OPCML: variants seen among roughly 807,000 people sequenced by gnomAD.
The protein encoded by OPCML is opioid binding protein/cell adhesion molecule like, also known as opioid-binding protein/cell adhesion molecule.
In OPCML, 13 loss-of-function variants were observed where a neutral mutation model predicts 37.8. The observed-to-expected ratio is 0.34, with a 90% CI of 0.22 to 0.55. OPCML has a LOEUF of 0.55. Among genes scored for constraint, OPCML ranks in the 20% least tolerant of loss-of-function variants. The probability of loss-of-function intolerance (pLI) is 0.91; values close to 1 mark genes in which losing one functional copy is unlikely to be tolerated. For missense variants in OPCML, 341 were observed against 435.6 expected (o/e 0.78, Z 1.93); for synonymous variants, 176 against 168.8 (o/e 1.04, Z -0.33).
chr11:133,464,836 A>G (rs972800549), intron 1 of OPCML, among the ~76,000 whole-genome samples: 1 of 152,104 alleles, frequency 6.6e-6, no homozygotes, highest in Non-Finnish European at 1.5e-5. Context: ...GATATTCAGG[A>G]CCTGTCATTT....
At chr11:133,432,952 A>C (rs2136920303) in intron 1 of OPCML, among the ~76,000 whole-genome samples, 1 of 152,272 alleles carries the variant, frequency 6.6e-6, no homozygotes, top group Admixed American at 6.5e-5. Context: ...TCAGGCACTA[A>C]CCCATGAATG....
chr11:132,532,276 T>C (rs1310950280), intron 3 of OPCML, among the ~76,000 whole-genome samples: 1 of 152,174 alleles, frequency 6.6e-6, no homozygotes, highest in Non-Finnish European at 1.5e-5. Context: ...AGCTCCGTCA[T>C]GTTCTCTGTC....
At position 132,880,997 on chromosome 11, in the gene OPCML, A is replaced by G. The variant is rs566462228; in HGVS notation, c.146+61929T>C. Among the ~76,000 whole-genome samples the G allele has an allele frequency of 3.3e-5, 5 of 152,326 alleles. No homozygotes were observed. In the South Asian group the frequency reaches 1.0e-3, roughly 32 times the overall value. On this transcript the variant is annotated intron_variant, in intron 2 of 7. Transcript: ENST00000524381. ...AGCATAGTGGAACACACAGCAAAAAATAGTGTTTTTACAAGTCTGACCTTA... is the reference window on the plus strand; with the variant it reads ...AGCATAGTGGAACACACAGCAAAAAGTAGTGTTTTTACAAGTCTGACCTTA...
At chr11:133,239,932 T>C (rs147038888) in intron 1 of OPCML, among the ~76,000 whole-genome samples, 142 of 152,256 alleles carry the variant, frequency 9.3e-4, no homozygotes, top group Middle Eastern at 6.8e-3. Context: ...AGTTGAACAT[T>C]ACTAATTAAG....
intron 2 of OPCML, among the ~76,000 whole-genome samples, chr11:132,864,922 T>C (rs1031138187): frequency 6.6e-6 from 1 of 152,220 alleles, no homozygotes; most frequent in Non-Finnish European, 1.5e-5. Context: ...AAATGCCCTA[T>C]GAGTGAAGGG....
intron 1 of OPCML, among the ~76,000 whole-genome samples, chr11:133,187,584 A>G (rs1938140165): frequency 6.6e-6 from 1 of 152,112 alleles, no homozygotes; most frequent in Non-Finnish European, 1.5e-5. Context: ...CTTCACCAAG[A>G]CAGGAGTATA....
chr11:133,475,440 A>G (rs996839152), intron 1 of OPCML, among the ~76,000 whole-genome samples: 2 of 152,152 alleles, frequency 1.3e-5, no homozygotes, highest in Non-Finnish European at 2.9e-5. Flanking sequence ...TTACAGACAA[A>G]GAGACAACCC....
chr11:132,802,765 C>T (rs1227511415), intron 2 of OPCML, among the ~76,000 whole-genome samples: 1 of 152,080 alleles, frequency 6.6e-6, no homozygotes, highest in African/African-American at 2.4e-5. Context: ...AAATTTTCTC[C>T]AGTTTCCAGG....
Position 132,689,088 on chromosome 11 carries a change from C to T in OPCML, c.147-31769G>A, listed in dbSNP as rs539948622. Reference sequence around the variant, plus strand: ...TGCCTGCCCTGAGGATTACGTGTGACATGTAACAAATCCCGGGAATGCTGT... The same window carrying T: ...TGCCTGCCCTGAGGATTACGTGTGATATGTAACAAATCCCGGGAATGCTGT... On this transcript the variant is annotated intron_variant, in intron 2 of 7. Coordinates refer to ENST00000524381, the MANE Select transcript of OPCML (RefSeq NM_001012393.5). Among the ~76,000 whole-genome samples the T allele has an allele frequency of 3.9e-5, 6 of 151,992 alleles. No individual in the cohort carries two copies. In the South Asian group the frequency reaches 1.2e-3, roughly 32 times the overall value.
rs565065173 is a variant in OPCML, at chr11:133,378,044, TTTA to T, written c.61+154217_61+154219del. On this transcript the variant is annotated intron_variant, in intron 1 of 7. Coordinates refer to ENST00000524381, the MANE Select transcript of OPCML (RefSeq NM_001012393.5). Reference sequence around the variant, plus strand: ...TTCCTGTAATTCCTAGGTTTTACTCTTTATTCTGACACTGGAAGCCATATAGCT... The same window carrying T: ...TTCCTGTAATTCCTAGGTTTTACTCTTTCTGACACTGGAAGCCATATAGCT... Among the ~76,000 whole-genome samples the T allele has an allele frequency of 5.3e-5, 8 of 152,356 alleles. No individual in the cohort carries two copies. The East Asian group carries it at 1.5e-3, about 29-fold the overall frequency.
intron 1 of OPCML, chr11:133,422,258 C>A: frequency 1.0e-6 from 1 of 984,784 alleles, no homozygotes; most frequent in Non-Finnish European, 1.2e-6. Context: ...TGAGTTTTGA[C>A]AAGTGTGTCG....
chr11:132,812,210 C>A (rs1339001550), intron 2 of OPCML, among the ~76,000 whole-genome samples: 1 of 152,132 alleles, frequency 6.6e-6, no homozygotes, highest in Non-Finnish European at 1.5e-5. Flanking sequence ...GGATGAAGAG[C>A]ACTAAACTTC....
chr11:132,700,750 C>T (rs531571820), intron 2 of OPCML, among the ~76,000 whole-genome samples: 20 of 152,136 alleles, frequency 1.3e-4, no homozygotes, highest in African/African-American at 3.4e-4. Context: ...AAACAGTGTG[C>T]GTTCTGCTGC....
chr11:133,523,315 G>A (rs183130004), intron 1 of OPCML, among the ~76,000 whole-genome samples: 8 of 152,058 alleles, frequency 5.3e-5, no homozygotes, highest in South Asian at 4.1e-4. Context: ...ACCTGAGGAC[G>A]GACGCTCTTC....
intron 4 of OPCML, among the ~76,000 whole-genome samples, chr11:132,525,449 C>T (rs7114125): frequency 0.022 from 3,291 of 152,288 alleles, 104 homozygotes; most frequent in African/African-American, 0.07. Flanking sequence ...AACTCCTCCA[C>T]CATAATCCTA....
At position 133,409,660 on chromosome 11, in the gene OPCML, T is replaced by A. The variant is rs576689983; in HGVS notation, c.61+122604A>T. 2.0e-5 allele frequency among the ~76,000 whole-genome samples: 3 copies of A among 152,302 alleles called. No homozygotes were observed. The East Asian group carries it at 5.8e-4, about 29-fold the overall frequency. ...AACTGAGATTTGGACCAAAGTCTCA[T>A]AGATACTAGTAGGTCTGATGTCTCC... On this transcript the variant is annotated intron_variant, in intron 1 of 7. Coordinates refer to ENST00000524381, the MANE Select transcript of OPCML (RefSeq NM_001012393.5).
intron 1 of OPCML, among the ~76,000 whole-genome samples, chr11:133,140,838 A>AGAAGAC (rs35099734): frequency 0.068 from 1,529 of 22,468 alleles, 351 homozygotes; most frequent in East Asian, 0.24. Context: ...ACGACGAAGA[A>AGAAGAC]GACGACGACG....
At chr11:133,442,963 T>C (rs1340801703) in intron 1 of OPCML, among the ~76,000 whole-genome samples, 4 of 152,156 alleles carry the variant, frequency 2.6e-5, no homozygotes, top group Admixed American at 6.5e-5. Flanking sequence ...TGATACTTAA[T>C]AGCAATAGCT....
At chr11:133,526,823 C>T (rs779213568) in intron 1 of OPCML, among the ~76,000 whole-genome samples, 1 of 152,238 alleles carries the variant, frequency 6.6e-6, no homozygotes, top group African/African-American at 2.4e-5. Flanking sequence ...CAGGACCTAG[C>T]CCTGCACTGA....
Sources: allele counts gnomAD v4.1 joint callset (sites outside exome capture counted in the v4.1 genomes callset), GRCh38; gene constraint gnomAD v4.1.1; transcripts MANE v1.5; gene names NCBI Gene and HGNC (gene_info 2026-07-23, HGNC 2026-07-21).